The following PLCXD3 variants were observed in gnomAD, a reference collection of about 807,000 sequenced individuals.
PLCXD3 encodes PI-PLC X domain-containing protein 3.
A neutral mutation model predicts 25.5 loss-of-function variants in PLCXD3; 19 were observed. The ratio of observed to expected loss-of-function variants is 0.75; its 90% CI spans 0.52 to 1.09. PLCXD3 has a LOEUF of 1.09. Ranked by LOEUF, PLCXD3 falls within the 50% of genes least tolerant of loss-of-function variation. PLCXD3 has a pLI of 0.00. For missense variants in PLCXD3, 411 were observed against 388.1 expected, an observed-to-expected ratio of 1.06 and a Z score of -0.50; for synonymous variants, 174 against 137.6, an observed-to-expected ratio of 1.26 and a Z score of -1.85.
intron 2 of PLCXD3, among the ~76,000 whole-genome samples, chr5:41,360,309 C>T (rs774740146): frequency 3.3e-5 from 5 of 152,106 alleles, no homozygotes; most frequent in Admixed American, 2.6e-4. Context: ...TTCTCTAGTG[C>T]CTCCTTGATT....
intron 1 of PLCXD3, among the ~76,000 whole-genome samples, chr5:41,509,624 C>T (rs1196295434): frequency 6.6e-6 from 1 of 152,228 alleles, no homozygotes; most frequent in Non-Finnish European, 1.5e-5. Context: ...GTACTATTTG[C>T]CTATTAATCC....
chr5:41,397,499 G>C (rs1356150099), intron 1 of PLCXD3, among the ~76,000 whole-genome samples: 2 of 152,212 alleles, frequency 1.3e-5, no homozygotes, highest in Non-Finnish European at 1.5e-5. Flanking sequence ...GTCTTCTGCA[G>C]GGGTAGAGCT....
At chr5:41,376,456 C>T (rs531360597) in intron 2 of PLCXD3, among the ~76,000 whole-genome samples, 1 of 151,978 alleles carries the variant, frequency 6.6e-6, no homozygotes, top group South Asian at 2.1e-4. Context: ...TAATATATGC[C>T]TAATTCAGCT....
chr5:41,372,298 TCACACACACACACACA>T (rs71608605), intron 2 of PLCXD3, among the ~76,000 whole-genome samples: 152 of 110,784 alleles, frequency 1.4e-3, no homozygotes, highest in African/African-American at 5.2e-3. Context: ...TCTCTCTCTC[TCACACACACACACACA>T]CACACACACA....
chr5:41,360,371 A>G (rs940461532), intron 2 of PLCXD3, among the ~76,000 whole-genome samples: 9 of 151,870 alleles, frequency 5.9e-5, no homozygotes, highest in South Asian at 2.1e-4. Context: ...AAGAGATTTC[A>G]TCTTGGTTTG....
At chr5:41,419,208 C>T (rs1049374747) in intron 1 of PLCXD3, among the ~76,000 whole-genome samples, 3 of 152,096 alleles carry the variant, frequency 2.0e-5, no homozygotes, top group African/African-American at 7.2e-5. Flanking sequence ...TAGCCAGCAG[C>T]AAGAGAATCC....
intron 1 of PLCXD3, among the ~76,000 whole-genome samples, chr5:41,489,860 T>A (rs1008782017): frequency 4.6e-5 from 7 of 151,830 alleles, no homozygotes; most frequent in Middle Eastern, 3.4e-3. Context: ...TTTCTAGATA[T>A]ACAATCATGT....
rs756871749 is a variant in PLCXD3 at position 41,510,489 on chromosome 5, G to T, written c.38C>A (p.Ala13Asp). The change falls in exon 1 of 3, where the codon GCC (alanine) becomes GAC (aspartate). Residue 13 changes from alanine (A) to aspartate (D), a missense_variant. Physicochemically the swap from Ala to Asp is moderately radical, Grantham distance 126. Coordinates refer to ENST00000377801, the MANE Select transcript of PLCXD3 (RefSeq NM_001005473.3). Reference protein sequence around the residue: ...SSQGKNELKLADWMATLPESM... With the variant: ...SSQGKNELKLDDWMATLPESM... ...CTCCGGCAGAGTTGCCATCCAGTCGGCTAATTTCAGCTCGTTTTTCCCCTG... is the reference window on the plus strand; with the variant it reads ...CTCCGGCAGAGTTGCCATCCAGTCGTCTAATTTCAGCTCGTTTTTCCCCTG... The T allele has an allele frequency of 4.3e-6, 7 of 1,613,050 alleles. No homozygotes were observed. The South Asian group carries it at 5.5e-5, about 13-fold the overall frequency.
chr5:41,459,400 AG>A (rs1747825274), intron 1 of PLCXD3, among the ~76,000 whole-genome samples: 1 of 151,854 alleles, frequency 6.6e-6, no homozygotes, highest in African/African-American at 2.4e-5. Flanking sequence ...CTATAAATGG[AG>A]GTGAAAAATC....
intron 1 of PLCXD3, among the ~76,000 whole-genome samples, chr5:41,411,500 C>T (rs1350854554): frequency 1.3e-5 from 2 of 152,108 alleles, no homozygotes; most frequent in East Asian, 3.9e-4. Context: ...GAATATATTT[C>T]CTTTTGCTCT....
At chr5:41,472,472 C>A (rs1037162442) in intron 1 of PLCXD3, among the ~76,000 whole-genome samples, 8 of 152,196 alleles carry the variant, frequency 5.3e-5, no homozygotes, top group African/African-American at 1.9e-4. Flanking sequence ...AGAAGATAAA[C>A]TGTGTTAAAT....
chr5:41,509,563 C>T (rs1335467920), intron 1 of PLCXD3, among the ~76,000 whole-genome samples: 1 of 152,194 alleles, frequency 6.6e-6, no homozygotes, highest in Non-Finnish European at 1.5e-5. Context: ...TCGCTTTGTC[C>T]ACGCTTCTTT....
chr5:41,352,789 T>A, intron 2 of PLCXD3, among the ~76,000 whole-genome samples: 1 of 151,814 alleles, frequency 6.6e-6, no homozygotes, highest in East Asian at 1.9e-4. Context: ...GCTGAGTAAT[T>A]TTTTTTTAAG....
chr5:41,415,378 A>G (rs886951655), intron 1 of PLCXD3, among the ~76,000 whole-genome samples: 3 of 152,002 alleles, frequency 2.0e-5, no homozygotes, highest in African/African-American at 7.3e-5. Context: ...ACTGGCAAAT[A>G]CTCTGTGTGC....
chr5:41,346,945 G>A (rs552924402), intron 2 of PLCXD3, among the ~76,000 whole-genome samples: 1 of 152,302 alleles, frequency 6.6e-6, no homozygotes, highest in African/African-American at 2.4e-5. Context: ...TGGCAATTGT[G>A]AATAAAGCTG....
chr5:41,510,371 G>T (rs887661144), intron 1 of PLCXD3, 53 bp downstream of exon 1: 418 of 1,454,956 alleles, frequency 2.9e-4, no homozygotes, highest in Non-Finnish European at 3.7e-4. Flanking sequence ...AAAGCAGGGC[G>T]GGGCAGGTGG....
intron 2 of PLCXD3, among the ~76,000 whole-genome samples, chr5:41,370,209 T>C (rs1276866281): frequency 1.3e-5 from 2 of 152,220 alleles, no homozygotes; most frequent in Admixed American, 1.3e-4. Context: ...TCTTGTCTAA[T>C]TATTGTTAAT....
At chr5:41,463,639 G>A (rs146579677) in intron 1 of PLCXD3, among the ~76,000 whole-genome samples, 20 of 151,972 alleles carry the variant, frequency 1.3e-4, no homozygotes, top group African/African-American at 4.3e-4. Context: ...ACTTCTTAGG[G>A]ATCTTCCCAG....
chr5:41,479,441 C>T lies in PLCXD3; in HGVS notation c.103+30983G>A, dbSNP rs142353089. ...ATGTTTGCATAATAATGTGAATGTA[C>T]TTAATGCCACAGAATTGTATGCCTA... On this transcript the variant is annotated intron_variant, in intron 1 of 2. Transcript: ENST00000377801. 1.8e-3 allele frequency among the ~76,000 whole-genome samples: 275 copies of T among 152,148 alleles called. 2 individuals carry two copies. The highest frequency in any genetic ancestry group is 6.4e-3 in the African/African-American group (265 of 41,532).
Sources: gnomAD v4.1 joint callset for allele counts (sites outside exome capture counted in the v4.1 genomes callset) on GRCh38, gnomAD v4.1.1 for gene constraint, MANE v1.5 for transcripts, NCBI Gene and HGNC (gene_info 2026-07-23, HGNC 2026-07-21) for gene names.